The following NXPE2 variants were observed in gnomAD, a reference collection of about 807,000 sequenced individuals.
NXPE2 encodes neurexophilin and PC-esterase domain family member 2, also known as NXPE family member 2.
Under a neutral mutation model 34.4 loss-of-function variants are expected in NXPE2, and 34 were observed. The ratio of observed to expected loss-of-function variants is 0.99; its 90% CI spans 0.75 to 1.31. NXPE2 has a LOEUF of 1.31. NXPE2 is among the 40% of genes most tolerant of loss of function. The probability of loss-of-function intolerance (pLI) is 0.00; values close to 1 mark genes in which losing one functional copy is unlikely to be tolerated. For synonymous variants in NXPE2, 235 were observed against 231.3 expected (o/e 1.02, Z -0.15); for missense variants, 649 against 672.5 (o/e 0.97, Z 0.39).
the NXPE2 span, among the ~76,000 whole-genome samples, chr11:114,525,777 G>T: frequency 6.6e-6 from 1 of 152,184 alleles, no homozygotes; most frequent in Non-Finnish European, 1.5e-5. Flanking sequence ...TTAGTGAAGT[G>T]TATATTCAAG....
At chr11:114,737,107 C>T in the NXPE2 span, among the ~76,000 whole-genome samples, 1 of 152,188 alleles carries the variant, frequency 6.6e-6, no homozygotes, top group Admixed American at 6.5e-5. Flanking sequence ...AATTGGATTT[C>T]TCTTATTTTC....
the NXPE2 span, among the ~76,000 whole-genome samples, chr11:114,501,661 G>A: frequency 6.6e-6 from 1 of 152,078 alleles, no homozygotes; most frequent in Non-Finnish European, 1.5e-5. Context: ...TTATTTCAGG[G>A]CTAATGGATC....
chr11:114,649,916 G>A, the NXPE2 span, among the ~76,000 whole-genome samples: 1 of 152,162 alleles, frequency 6.6e-6, no homozygotes, highest in Non-Finnish European at 1.5e-5. Flanking sequence ...AATGCGTGCA[G>A]TTTGTAAGAA....
chr11:114,622,237 C>CTGTTA, the NXPE2 span, among the ~76,000 whole-genome samples: 5 of 104,718 alleles, frequency 4.8e-5, no homozygotes, highest in African/African-American at 1.5e-4. Context: ...TGGTTAACCA[C>CTGTTA]TGTTATCCAG....
chr11:114,686,536 G>T (rs1212652480), intron 2 of NXPE2, among the ~76,000 whole-genome samples: 1 of 152,134 alleles, frequency 6.6e-6, no homozygotes, highest in Non-Finnish European at 1.5e-5. Context: ...CACCTGGGTT[G>T]ATTCCATGAC....
chr11:114,761,356 A>G, the NXPE2 span, among the ~76,000 whole-genome samples: 4 of 152,128 alleles, frequency 2.6e-5, no homozygotes, highest in Non-Finnish European at 5.9e-5. Flanking sequence ...CTACCAGAAC[A>G]AGAACCTACG....
At chr11:114,583,182 A>C in the NXPE2 span, 1 of 839,328 alleles carries the variant, frequency 1.2e-6, no homozygotes, top group Non-Finnish European at 1.8e-6. Flanking sequence ...ATATTATTTA[A>C]ATTCTCCAAT....
intron 2 of NXPE2, among the ~76,000 whole-genome samples, chr11:114,688,194 T>A (rs1484160006): frequency 6.6e-6 from 1 of 152,040 alleles, no homozygotes; most frequent in Non-Finnish European, 1.5e-5. Flanking sequence ...AGTTTTTGCC[T>A]GTTCATTATG....
chr11:114,700,070 A>G (rs1951336956), intron 3 of NXPE2, among the ~76,000 whole-genome samples: 1 of 152,204 alleles, frequency 6.6e-6, no homozygotes, highest in Non-Finnish European at 1.5e-5. Context: ...CTGGAATTAT[A>G]GGCATGAGCC....
At chr11:114,639,983 TATAATA>T in the NXPE2 span, among the ~76,000 whole-genome samples, 1 of 117,036 alleles carries the variant, frequency 8.5e-6, no homozygotes, top group Non-Finnish European at 1.6e-5. Context: ...TATAATATAA[TATAATA>T]ATGTTATATA....
chr11:114,628,911 A>G, the NXPE2 span, among the ~76,000 whole-genome samples: 1 of 152,060 alleles, frequency 6.6e-6, no homozygotes, highest in South Asian at 2.1e-4. Flanking sequence ...CAAATAAACT[A>G]GAGAATCTAG....
At chr11:114,588,121 G>A in the NXPE2 span, among the ~76,000 whole-genome samples, 4 of 152,182 alleles carry the variant, frequency 2.6e-5, no homozygotes, top group South Asian at 2.1e-4. Context: ...CAAAACTAGA[G>A]AAGCAACCTC....
chr11:114,795,556 C>T, the NXPE2 span, among the ~76,000 whole-genome samples: 1 of 152,166 alleles, frequency 6.6e-6, no homozygotes, highest in African/African-American at 2.4e-5. Flanking sequence ...GTCCCTGTTG[C>T]CCATCCTTGC....
the NXPE2 span, among the ~76,000 whole-genome samples, chr11:114,638,556 T>C: frequency 2.0e-5 from 3 of 152,002 alleles, no homozygotes; most frequent in Admixed American, 2.0e-4. Context: ...TTTTAGAGTT[T>C]CCCGTTTTTC....
the NXPE2 span, among the ~76,000 whole-genome samples, chr11:114,633,340 TTA>T: frequency 7.0e-6 from 1 of 142,344 alleles, no homozygotes; most frequent in Non-Finnish European, 1.5e-5. Flanking sequence ...TTACATTTTA[TTA>T]TATGATTATA....
chr11:114,793,085 C>T, the NXPE2 span, among the ~76,000 whole-genome samples: 1 of 152,172 alleles, frequency 6.6e-6, no homozygotes, highest in South Asian at 2.1e-4. Flanking sequence ...CCTGGTTTTA[C>T]ACACTAGTGA....
chr11:114,489,124 T>A, the NXPE2 span, among the ~76,000 whole-genome samples: 1 of 152,088 alleles, frequency 6.6e-6, no homozygotes, highest in African/African-American at 2.4e-5. Context: ...ATGGATAAAT[T>A]CCTCGACACA....
chr11:114,687,903 T>C (rs991005273), intron 2 of NXPE2, among the ~76,000 whole-genome samples: 1 of 152,040 alleles, frequency 6.6e-6, no homozygotes, highest in African/African-American at 2.4e-5. Context: ...ACATTATTGG[T>C]TTATAAAAAT....
chr11:114,567,875 A>G, the NXPE2 span, among the ~76,000 whole-genome samples: 1 of 151,996 alleles, frequency 6.6e-6, no homozygotes, highest in South Asian at 2.1e-4. Context: ...TATTTTTCCA[A>G]AATATTTAAG....
Sources: gnomAD v4.1 joint callset for allele counts (sites outside exome capture counted in the v4.1 genomes callset) on GRCh38, gnomAD v4.1.1 for gene constraint, MANE v1.5 for transcripts, NCBI Gene and HGNC (gene_info 2026-07-23, HGNC 2026-07-21) for gene names.